ARAP1: variants seen among roughly 807,000 people sequenced by gnomAD.
ARAP1 encodes the protein ArfGAP with RhoGAP domain, ankyrin repeat and PH domain 1.
A neutral mutation model predicts 172.2 loss-of-function variants in ARAP1; 76 were observed. That is an observed-to-expected ratio of 0.44 (90% CI 0.37 to 0.53). The LOEUF (loss-of-function observed/expected upper bound fraction) is 0.53, where lower values mean the gene tolerates loss of function less well. ARAP1 is among the 20% of genes least tolerant of loss of function. The pLI, the probability that ARAP1 is intolerant of heterozygous loss-of-function variation, is 0.00. For synonymous variants in ARAP1, 804 were observed against 803.3 expected (o/e 1.00, Z -0.01); for missense variants, 1,686 against 1,977.5 (o/e 0.85, Z 2.80).
rs1855630811 is a variant in ARAP1 at position 72,685,448 on chromosome 11, G to C, written c.*216C>G. ...TTGGGCCAAGAGGTCTGAACACCTG[G>C]ACAGAGTTGGGAGAGGTTCCTGCCC... is the stretch of plus-strand genomic sequence containing the variant. On this transcript the variant is annotated 3_prime_UTR_variant, in exon 35 of 35. Coordinates refer to ENST00000393609, the MANE Select transcript of ARAP1 (RefSeq NM_001040118.3). 1.6e-6 allele frequency: 1 copy of C among 627,298 alleles called. No homozygotes were observed. The highest frequency in any genetic ancestry group is 1.9e-5 in the South Asian group (1 of 51,858). 38.9% of individuals were successfully genotyped at this position (627,298 alleles called of 1,614,324 possible).
At position 72,712,250 on chromosome 11, in the gene ARAP1, G is replaced by T; in HGVS notation, c.968C>A (p.Thr323Asn). Reference sequence around the variant, plus strand: ...AGCCTTGATGACTGGTGTGACGGGGGTGGAGCCCCCAGGCGGCCCGTCCAT... The same window carrying T: ...AGCCTTGATGACTGGTGTGACGGGGTTGGAGCCCCCAGGCGGCCCGTCCAT... The part of the protein sequence containing the change: ...HPMDGPPGGS[T>N]PVTPVIKAGW... The change falls in exon 7 of 35, where the codon ACC (threonine) becomes AAC (asparagine). Residue 323 changes from threonine (T) to asparagine (N), a missense_variant. Thr to Asn is a moderately conservative substitution (Grantham distance 65). Coordinates refer to ENST00000393609, the MANE Select transcript of ARAP1 (RefSeq NM_001040118.3). 1 of 1,607,388 alleles carries T rather than the reference G, an allele frequency of 6.2e-7. No individual in the cohort carries two copies. The highest frequency in any genetic ancestry group is 1.3e-5 in the African/African-American group (1 of 74,884).
rs201976946 is a variant in ARAP1 at position 72,712,503 on chromosome 11, C to T, written c.813G>A (p.Glu271=). ...CCCCTTGGTCGTCCCCAGACAGTTCCTCTCCCTCGCTCAGCAGACTGGCCA... is the reference window on the plus strand; with the variant it reads ...CCCCTTGGTCGTCCCCAGACAGTTCTTCTCCCTCGCTCAGCAGACTGGCCA... ...VRVASLLSEG[E]ELSGDDQGDE... is the part of the protein sequence containing the mutation. The change falls in exon 6 of 35, where the codon GAG becomes GAA. Residue 271 remains glutamate (E), a synonymous_variant. Transcript: ENST00000393609. 1.2e-6 allele frequency: 2 copies of T among 1,613,460 alleles called. No individual in the cohort carries two copies. The highest frequency in any genetic ancestry group is 2.2e-5 in the East Asian group (1 of 44,864).
intron 1 of ARAP1, among the ~76,000 whole-genome samples, chr11:72,744,435 A>C (rs1162739617): frequency 6.6e-6 from 1 of 152,156 alleles, no homozygotes. Context: ...CCACCCAGTT[A>C]TAGTTCTACT....
chr11:72,697,741 C>T (rs1856279425), intron 19 of ARAP1, 92 bp from the exon 20 acceptor site: 1 of 1,567,806 alleles, frequency 6.4e-7, no homozygotes, highest in Admixed American at 1.8e-5. Flanking sequence ...ACCCTTGAGA[C>T]CCGCCCACCA....
At chr11:72,692,958 A>G (rs11235567) in intron 29 of ARAP1, 173 bp from the exon 30 acceptor site, 723,886 of 816,242 alleles carry the variant, frequency 0.89, 323,164 homozygotes, top group African/African-American at 0.94. Flanking sequence ...AATGAGGGAG[A>G]AGGGTGGCCC....
chr11:72,710,921 G>C lies in ARAP1; in HGVS notation c.1213+100C>G. The stretch of plus-strand genomic sequence containing the variant: ...GCATGCCTCCCCGGATGTGATGTGA[G>C]AGGGCAGATGCACCATGACTCTCTT... On this transcript the variant is annotated intron_variant, in intron 9 of 34. Coordinates refer to ENST00000393609, the MANE Select transcript of ARAP1 (RefSeq NM_001040118.3). This position sits in a 1 kb window ranked among gnomAD's most constrained non-coding sequence, Gnocchi z 4.3. 1 of 1,574,310 alleles carries C rather than the reference G, an allele frequency of 6.4e-7. No individual in the cohort carries two copies. Among genetic ancestry groups the C allele is most frequent in the East Asian group, 2.2e-5 (1 of 44,482 alleles).
intron 22 of ARAP1, 136 bp downstream of exon 22, chr11:72,696,847 G>T: frequency 1.9e-6 from 2 of 1,048,980 alleles, no homozygotes; most frequent in Non-Finnish European, 2.7e-6. Flanking sequence ...AGCGGCGATG[G>T]GAATGAGAAG....
chr11:72,713,247 G>C lies in ARAP1; in HGVS notation c.680-4C>G. The C allele has an allele frequency of 3.1e-6, 5 of 1,612,948 alleles. No homozygotes were observed. Among genetic ancestry groups the C allele is most frequent in the Non-Finnish European group, 3.4e-6 (4 of 1,179,480 alleles). On this transcript the variant is annotated splice_region_variant and splice_polypyrimidine_tract_variant and intron_variant, in intron 4 of 34. Transcript: ENST00000393609. ...ACCTCATCGTAGTCAGAGTCATCTG[G>C]TGAGAGAGGGGTTGGGGGGCCTCAG...
In ARAP1 at chr11:72,687,603, C is replaced by G; in HGVS notation, c.4121+85G>C. On this transcript the variant is annotated intron_variant, in intron 32 of 34. Transcript: ENST00000393609. ...CCAGGGTCTGCTAGTGGTCACAGAT[C>G]TGGGCAGTGATGAGGGACACAATGA... is the stretch of plus-strand genomic sequence containing the variant. 12 of 1,612,854 alleles carry G rather than the reference C, an allele frequency of 7.4e-6. No homozygotes were observed. The South Asian group carries it at 1.3e-4, about 18-fold the overall frequency.
intron 1 of ARAP1, among the ~76,000 whole-genome samples, chr11:72,743,483 G>T (rs1858265709): frequency 6.6e-6 from 1 of 152,178 alleles, no homozygotes; most frequent in Non-Finnish European, 1.5e-5. Context: ...TCTGCAGAGG[G>T]TTGGACTGGG....
At chr11:72,707,489 G>C in intron 11 of ARAP1, 115 bp from the exon 12 acceptor site, 1 of 935,416 alleles carries the variant, frequency 1.1e-6, no homozygotes, top group Non-Finnish European at 1.6e-6. Flanking sequence ...TTAGGCAAAA[G>C]AGTGAGGCAT....
intron 11 of ARAP1, 84 bp from the exon 12 acceptor site, chr11:72,707,458 G>T: frequency 7.5e-7 from 1 of 1,331,350 alleles, no homozygotes. Context: ...AATGAAGTGG[G>T]GGACAAGGTG....
intron 2 of ARAP1, among the ~76,000 whole-genome samples, chr11:72,731,667 T>C (rs1016844250): frequency 6.6e-6 from 1 of 152,240 alleles, no homozygotes; most frequent in Non-Finnish European, 1.5e-5. Context: ...TATCTCACTT[T>C]TGCAAAATTC....
In ARAP1 at chr11:72,712,344, C is replaced by A. The variant is rs369982548; in HGVS notation, c.879-5G>T. The stretch of plus-strand genomic sequence containing the variant: ...CTGCTGGTATGCCATCCGCCACTAG[C>A]GAGAGATGAGGGGATGGGGGGCCGG... On this transcript the variant is annotated splice_region_variant and splice_polypyrimidine_tract_variant and intron_variant, in intron 6 of 34. Transcript: ENST00000393609. 2 of 1,542,260 alleles carry A rather than the reference C, an allele frequency of 1.3e-6. No homozygotes were observed. The highest frequency in any genetic ancestry group is 1.8e-4 in the Middle Eastern group (1 of 5,598).
Position 72,726,570 on chromosome 11 carries a change from T to C in ARAP1, c.509+50A>G. The C allele has an allele frequency of 2.1e-6, 3 of 1,453,380 alleles. No individual in the cohort carries two copies. The highest frequency in any genetic ancestry group is 2.7e-6 in the Non-Finnish European group (3 of 1,104,640). 90.0% of individuals were successfully genotyped at this position (1,453,380 alleles called of 1,614,324 possible). On this transcript the variant is annotated intron_variant, in intron 3 of 34. Coordinates refer to ENST00000393609, the MANE Select transcript of ARAP1 (RefSeq NM_001040118.3). The surrounding 1 kb of genome is among the most constrained non-coding windows in gnomAD (Gnocchi z 6.5). ...AAGGCCACAAACTCCCCATCTACCC[T>C]CTGGGATCCTCTGCCTGTGCGCCTC...
intron 30 of ARAP1, among the ~76,000 whole-genome samples, chr11:72,689,912 A>G (rs936635688): frequency 1.7e-4 from 26 of 152,206 alleles, no homozygotes; most frequent in Non-Finnish European, 2.8e-4. Context: ...AGAAACCTGT[A>G]GGCACACACA....
intron 1 of ARAP1, among the ~76,000 whole-genome samples, chr11:72,747,466 G>A (rs973411681): frequency 2.6e-5 from 4 of 152,256 alleles, no homozygotes; most frequent in South Asian, 2.1e-4. Context: ...GTTTGGTCAG[G>A]GAGAAAAGAC....
At chr11:72,688,781 C>T (rs1855800121) in intron 30 of ARAP1, 1 of 474,664 alleles carries the variant, frequency 2.1e-6, no homozygotes, top group Non-Finnish European at 3.8e-6. Context: ...AACCCTCAGT[C>T]TCCGAGGCAG....
intron 31 of ARAP1, 137 bp downstream of exon 31, chr11:72,688,318 C>T: frequency 1.4e-6 from 1 of 700,658 alleles, no homozygotes; most frequent in Non-Finnish European, 2.4e-6. Flanking sequence ...CCAGGTGATG[C>T]TGCTGGTCTG....
Sources: allele counts gnomAD v4.1 joint callset (sites outside exome capture counted in the v4.1 genomes callset), GRCh38; gene constraint gnomAD v4.1.1; non-coding constraint Gnocchi (gnomAD v3.1); transcripts MANE v1.5; gene names NCBI Gene and HGNC (gene_info 2026-07-23, HGNC 2026-07-21).